The following MTG1 variants were observed in gnomAD, a reference collection of about 807,000 sequenced individuals.
MTG1 encodes the protein mitochondrial ribosome-associated GTPase 1.
MTG1 carries 30 observed loss-of-function variants against 39.5 expected under a neutral mutation model. That is an observed-to-expected ratio of 0.76 (90% CI 0.57 to 1.03). The LOEUF is 1.03. MTG1 is among the 50% of genes least tolerant of loss of function. The probability of loss-of-function intolerance (pLI) is 0.00; values close to 1 mark genes in which losing one functional copy is unlikely to be tolerated. For synonymous variants in MTG1, 217 were observed against 179.0 expected, an observed-to-expected ratio of 1.21 and a Z score of -1.69; for missense variants, 513 against 447.4, an observed-to-expected ratio of 1.15 and a Z score of -1.32.
At chr10:133,398,412 T>C (rs745326560) in intron 3 of MTG1, 23 bp from the exon 4 acceptor site, 2 of 1,607,520 alleles carry the variant, frequency 1.2e-6, no homozygotes, top group Non-Finnish European at 1.7e-6. Flanking sequence ...AAAAGTAACA[T>C]AGAAATGTTT....
chr10:133,416,020 T>TCGGGCACGC (rs1564823387), intron 9 of MTG1, among the ~76,000 whole-genome samples: 1,892 of 94,704 alleles, frequency 0.02, 20 homozygotes, highest in African/African-American at 0.04. Context: ...GTCGGGCACG[T>TCGGGCACGC]GGGTGTCGGG....
At position 133,420,686 on chromosome 10, in the gene MTG1, TCA is replaced by T. The variant is rs1850217073; in HGVS notation, c.*525_*526del. 6.5e-6 allele frequency: 1 copy of T among 152,920 alleles called. No individual in the cohort carries two copies. Among genetic ancestry groups the T allele is most frequent in the Admixed American group, 6.5e-5 (1 of 15,306 alleles). The allele number at this position is 152,920 out of a possible 1,614,324, so 9.5% of individuals were successfully genotyped here. Reference sequence around the variant, plus strand: ...CTTGCTGCCATCAGAGAGGTTTATTTCACACTTACAGGCACACACAGACACAG... The same window carrying T: ...CTTGCTGCCATCAGAGAGGTTTATTTCACTTACAGGCACACACAGACACAG... On this transcript the variant is annotated 3_prime_UTR_variant, in exon 11 of 11. Transcript: ENST00000317502.
At chr10:133,397,194 G>A (rs544049788) in intron 3 of MTG1, among the ~76,000 whole-genome samples, 11 of 152,310 alleles carry the variant, frequency 7.2e-5, no homozygotes, top group Middle Eastern at 3.4e-3. Flanking sequence ...AGTACCGAAA[G>A]TCTCTGATAA....
chr10:133,408,982 A>G (rs1402963046), intron 9 of MTG1, among the ~76,000 whole-genome samples: 1 of 148,560 alleles, frequency 6.7e-6, no homozygotes, highest in Non-Finnish European at 1.5e-5. Context: ...TTTTGAAATA[A>G]TTTTTTGTTT....
chr10:133,410,534 T>G (rs1293148625), intron 9 of MTG1, among the ~76,000 whole-genome samples: 2 of 152,234 alleles, frequency 1.3e-5, no homozygotes, highest in African/African-American at 2.4e-5. Flanking sequence ...TTTAATTTGT[T>G]GCTTTGTATT....
In MTG1 at chr10:133,394,593, T is replaced by C. The variant is rs1849753092; in HGVS notation, c.112+261T>C. On this transcript the variant is annotated intron_variant, in intron 1 of 10. Transcript: ENST00000317502. ...CGGACCCAGGGCCTGCTTGACCTCC[T>C]ACCTCTGGCCCGCCGCCCCTGTCCT... The C allele has an allele frequency of 3.8e-6, 5 of 1,305,060 alleles. No homozygotes were observed. In the South Asian group the frequency reaches 6.0e-5, roughly 16 times the overall value. The allele number at this position is 1,305,060 out of a possible 1,614,324, so 80.8% of individuals were successfully genotyped here.
chr10:133,398,696 C>T (rs962208353), intron 4 of MTG1, among the ~76,000 whole-genome samples, 181 bp downstream of exon 4: 1 of 152,186 alleles, frequency 6.6e-6, no homozygotes, highest in Non-Finnish European at 1.5e-5. Flanking sequence ...ACTGAGGGCA[C>T]AAGGTCAGGC....
chr10:133,404,442 A>G (rs1010827412), intron 9 of MTG1, among the ~76,000 whole-genome samples: 31 of 151,344 alleles, frequency 2.0e-4, no homozygotes, highest in African/African-American at 7.5e-4. Flanking sequence ...CCTTTTTCTA[A>G]TATATTCTGG....
chr10:133,398,424 G>A lies in MTG1; in HGVS notation c.283-11G>A, dbSNP rs200223770. 3 of 1,611,274 alleles carry A rather than the reference G, an allele frequency of 1.9e-6. No individual in the cohort carries two copies. The highest frequency in any genetic ancestry group is 2.5e-6 in the Non-Finnish European group (3 of 1,179,172). On this transcript the variant is annotated splice_polypyrimidine_tract_variant and intron_variant, in intron 3 of 10. Transcript: ENST00000317502. Reference sequence around the variant, plus strand: ...AAAAAAAGTAACATAGAAATGTTTTGTGTCTTTCAGAAAATTATGCAACAC... The same window carrying A: ...AAAAAAAGTAACATAGAAATGTTTTATGTCTTTCAGAAAATTATGCAACAC...
Position 133,417,600 on chromosome 10 carries a change from A to C in MTG1, c.753-1880A>C, listed in dbSNP as rs927249936. ...AGGAAATCAAATTGTCCCTGTTTGC[A>C]GATGACATGATTGTATATCTAGAAA... On this transcript the variant is annotated intron_variant, in intron 9 of 10. Coordinates refer to ENST00000317502, the MANE Select transcript of MTG1 (RefSeq NM_138384.4). 5.8e-4 allele frequency among the ~76,000 whole-genome samples: 88 copies of C among 152,096 alleles called. 1 individual carries two copies. Among genetic ancestry groups the C allele is most frequent in the Admixed American group, 1.4e-3 (22 of 15,282 alleles).
At chr10:133,396,363 G>A in intron 3 of MTG1, 96 bp downstream of exon 3, 1 of 1,077,848 alleles carries the variant, frequency 9.3e-7, no homozygotes, top group Non-Finnish European at 1.4e-6. Context: ...ACACTTGTCA[G>A]TTTGCCCAGG....
chr10:133,415,804 C>G (rs1215983667), intron 9 of MTG1, among the ~76,000 whole-genome samples: 1 of 152,160 alleles, frequency 6.6e-6, no homozygotes, highest in Admixed American at 6.5e-5. Context: ...TTTTCTGTCC[C>G]TCTACTCCTC....
At position 133,402,633 on chromosome 10, in the gene MTG1, C is replaced by A; in HGVS notation, c.671-59C>A. 6.8e-7 allele frequency: 1 copy of A among 1,473,128 alleles called. No individual in the cohort carries two copies. The highest frequency in any genetic ancestry group is 9.3e-7 in the Non-Finnish European group (1 of 1,076,902). The allele number at this position is 1,473,128 out of a possible 1,614,324, so 91.3% of individuals were successfully genotyped here. ...TAGGACTGGAAGGGATGTGTTTGAA[C>A]TTGGCAGGAACATAGATGTGGCTGT... On this transcript the variant is annotated intron_variant, in intron 8 of 10. Transcript: ENST00000317502. The surrounding 1 kb of genome is among the most constrained non-coding windows in gnomAD (Gnocchi z 4.7).
intron 7 of MTG1, 140 bp downstream of exon 7, chr10:133,401,730 G>A (rs113881696): frequency 5.0e-6 from 4 of 804,966 alleles, no homozygotes; most frequent in East Asian, 2.6e-5. Context: ...CACCCCCGGG[G>A]CAGGCACTGC....
chr10:133,397,449 T>G (rs1849799411), intron 3 of MTG1, among the ~76,000 whole-genome samples: 1 of 150,030 alleles, frequency 6.7e-6, no homozygotes, highest in Non-Finnish European at 1.5e-5. Flanking sequence ...CACAGCTGTC[T>G]TTTCTTTTAT....
At position 133,420,083 on chromosome 10, in the gene MTG1, C is replaced by CT. The variant is rs1564824628; in HGVS notation, c.926dup (p.Arg310ProfsTer22). ...GCGGCAGCCCGTGACTTCCTGCAGA[C>CT]TTTCCGCCGTGGGCTGCTGGGTTCC... is the stretch of plus-strand genomic sequence containing the variant. On this transcript the variant is annotated frameshift_variant, in exon 11 of 11. Coordinates refer to ENST00000317502, the MANE Select transcript of MTG1 (RefSeq NM_138384.4). LOFTEE classifies it low-confidence loss of function (END_TRUNC). 5.0e-6 allele frequency: 8 copies of CT among 1,613,612 alleles called. No individual in the cohort carries two copies. The highest frequency in any genetic ancestry group is 6.8e-6 in the Non-Finnish European group (8 of 1,179,842).
intron 9 of MTG1, among the ~76,000 whole-genome samples, chr10:133,416,781 ATT>A (rs2133516132): frequency 6.8e-6 from 1 of 146,808 alleles, no homozygotes; most frequent in Non-Finnish European, 1.5e-5. Context: ...TATGTGCCAC[ATT>A]TTCTTAATCC....
At chr10:133,394,381 T>A in intron 1 of MTG1, 49 bp downstream of exon 1, 1 of 1,401,000 alleles carries the variant, frequency 7.1e-7, no homozygotes, top group Non-Finnish European at 9.3e-7. Context: ...CCGCGGCGCC[T>A]CTGCTTCCCT....
intron 9 of MTG1, among the ~76,000 whole-genome samples, chr10:133,403,027 C>T (rs902526214): frequency 1.3e-5 from 2 of 149,302 alleles, no homozygotes; most frequent in African/African-American, 4.9e-5. Context: ...AGGAAACGAG[C>T]GTTCCCGTCA....
Sources: allele counts gnomAD v4.1 joint callset (sites outside exome capture counted in the v4.1 genomes callset), GRCh38; gene constraint gnomAD v4.1.1; non-coding constraint Gnocchi (gnomAD v3.1); transcripts MANE v1.5; gene names NCBI Gene and HGNC (gene_info 2026-07-23, HGNC 2026-07-21).